The following TEX2 variants were observed in gnomAD, a reference collection of about 807,000 sequenced individuals.
TEX2 encodes testis-expressed protein 2.
TEX2 carries 53 observed loss-of-function variants against 106.9 expected under a neutral mutation model. That is an observed-to-expected ratio of 0.50 (90% CI 0.40 to 0.62). The LOEUF (loss-of-function observed/expected upper bound fraction) is 0.62, where lower values mean the gene tolerates loss of function less well. Ranked by LOEUF, TEX2 falls within the 20% of genes least tolerant of loss-of-function variation. TEX2 has a pLI of 0.00. For missense variants in TEX2, 1,207 were observed against 1,379.0 expected, an observed-to-expected ratio of 0.88 and a Z score of 1.98; for synonymous variants, 523 against 534.8, an observed-to-expected ratio of 0.98 and a Z score of 0.30.
At chr17:64,152,830 A>G in intron 10 of TEX2, 115 bp downstream of exon 10, 5 of 1,025,672 alleles carry the variant, frequency 4.9e-6, no homozygotes, top group Non-Finnish European at 5.7e-6. Context: ...ATTGTTTGGA[A>G]GTGCTTCTGC....
At chr17:64,160,503 C>A (rs985833367) in intron 8 of TEX2, among the ~76,000 whole-genome samples, 1 of 152,088 alleles carries the variant, frequency 6.6e-6, no homozygotes, top group Admixed American at 6.6e-5. Context: ...TTTTATTGCT[C>A]GGATGAGTCT....
chr17:64,232,207 G>A (rs149095883), intron 1 of TEX2, among the ~76,000 whole-genome samples: 159 of 152,352 alleles, frequency 1.0e-3, no homozygotes, highest in Non-Finnish European at 1.7e-3. Context: ...TAGAGACTAA[G>A]TATTAATAGT....
rs1413356420 is a variant in TEX2, at chr17:64,194,903, C to T, written c.1837G>A (p.Asp613Asn). The change falls in exon 3 of 12, where the codon GAC becomes AAC. Residue 613 changes from aspartate to asparagine, a missense_variant. Asp to Asn is a conservative substitution (Grantham distance 23). Transcript: ENST00000584379. ...YISQKIYDLSDSKIYLVPKTL... is the reference protein window; with the variant it reads ...YISQKIYDLSNSKIYLVPKTL... ...AAATTGCTCAGGCTCACCTTGCTGT[C>T]TGAGAGGTCATAGATTTTCTGGCTG... The T allele has an allele frequency of 6.2e-7, 1 of 1,614,110 alleles. No homozygotes were observed. The highest frequency in any genetic ancestry group is 1.7e-5 in the Admixed American group (1 of 60,018).
At chr17:64,189,585 A>G (rs752171725) in intron 4 of TEX2, among the ~76,000 whole-genome samples, 2 of 152,204 alleles carry the variant, frequency 1.3e-5, no homozygotes, top group Non-Finnish European at 2.9e-5. Context: ...CCTCGAATTT[A>G]ATATTGACCC....
At chr17:64,223,752 AT>A (rs1336176129) in intron 1 of TEX2, among the ~76,000 whole-genome samples, 1 of 94,566 alleles carries the variant, frequency 1.1e-5, no homozygotes, top group Non-Finnish European at 2.0e-5. Context: ...TTTCACTCTT[AT>A]TGCCCAGGCT....
chr17:64,219,789 G>A (rs567046425), intron 1 of TEX2, among the ~76,000 whole-genome samples: 1 of 152,312 alleles, frequency 6.6e-6, no homozygotes, highest in South Asian at 2.1e-4. Context: ...TCTAGTTCCT[G>A]TGAAGGCAGG....
At chr17:64,187,855 T>C (rs138206740) in intron 5 of TEX2, among the ~76,000 whole-genome samples, 1,924 of 151,884 alleles carry the variant, frequency 0.013, 40 homozygotes, top group African/African-American at 0.044. Flanking sequence ...TGACCACCCA[T>C]CCAAAATAGC....
intron 1 of TEX2, among the ~76,000 whole-genome samples, chr17:64,235,361 A>G (rs138262767): frequency 1.3e-5 from 2 of 152,342 alleles, no homozygotes; most frequent in African/African-American, 4.8e-5. Flanking sequence ...TCTGGAGCCA[A>G]CAGAAGCTTT....
chr17:64,251,284 G>A (rs2034086153), intron 1 of TEX2, among the ~76,000 whole-genome samples: 1 of 152,120 alleles, frequency 6.6e-6, no homozygotes, highest in Non-Finnish European at 1.5e-5. Context: ...GAGTTCCGAG[G>A]CACCACTTTG....
rs769022483 is a variant in TEX2 at position 64,148,942 on chromosome 17, A to G, written c.*27T>C. ...CCCCACACATCCAGCTCGATGTCAC[A>G]ATATGGGGAACATCTGACATCACCC... On this transcript the variant is annotated 3_prime_UTR_variant, in exon 12 of 12. Coordinates refer to ENST00000584379, the MANE Select transcript of TEX2 (RefSeq NM_001288732.2). 25 of 1,613,520 alleles carry G rather than the reference A, an allele frequency of 1.5e-5. No homozygotes were observed. In the Admixed American group the frequency reaches 4.0e-4, roughly 26 times the overall value.
intron 1 of TEX2, among the ~76,000 whole-genome samples, chr17:64,260,477 C>T (rs906003687): frequency 4.1e-4 from 60 of 146,106 alleles, no homozygotes; most frequent in Non-Finnish European, 8.3e-4. Context: ...GCCCAAAAAG[C>T]ACGTTTTTTG....
At chr17:64,245,158 A>T (rs782293395) in intron 1 of TEX2, among the ~76,000 whole-genome samples, 1 of 152,164 alleles carries the variant, frequency 6.6e-6, no homozygotes, top group Non-Finnish European at 1.5e-5. Flanking sequence ...TATAAAAGGT[A>T]CCCTTACACT....
intron 8 of TEX2, among the ~76,000 whole-genome samples, chr17:64,159,490 G>A (rs571651350): frequency 6.6e-6 from 1 of 152,310 alleles, no homozygotes; most frequent in Non-Finnish European, 1.5e-5. Flanking sequence ...AATTGGGGAA[G>A]TCTATAAGAC....
intron 1 of TEX2, among the ~76,000 whole-genome samples, chr17:64,233,704 C>T (rs2033706878): frequency 1.3e-5 from 2 of 152,198 alleles, no homozygotes; most frequent in Non-Finnish European, 2.9e-5. Context: ...CTACACCTAC[C>T]TTGCAAGGCA....
In TEX2 at chr17:64,188,425, A is replaced by C. The variant is rs778365066; in HGVS notation, c.2177-10T>G. ...TGTGCAGGCAAAAGCCCTGGAGCCAAGAAGACGGGGGCTATTCACACAATG... is the reference window on the plus strand; with the variant it reads ...TGTGCAGGCAAAAGCCCTGGAGCCACGAAGACGGGGGCTATTCACACAATG... On this transcript the variant is annotated splice_polypyrimidine_tract_variant and intron_variant, in intron 4 of 11. Coordinates refer to ENST00000584379, the MANE Select transcript of TEX2 (RefSeq NM_001288732.2). 1 of 1,614,134 alleles carries C rather than the reference A, an allele frequency of 6.2e-7. No homozygotes were observed. The highest frequency in any genetic ancestry group is 1.1e-5 in the South Asian group (1 of 91,086).
At chr17:64,240,268 G>C (rs1313594981) in intron 1 of TEX2, among the ~76,000 whole-genome samples, 4 of 135,250 alleles carry the variant, frequency 3.0e-5, no homozygotes, top group African/African-American at 1.3e-4. Context: ...TGTGTGTAAA[G>C]CTCTTTGTTA....
At chr17:64,183,186 G>T (rs1038977152) in intron 5 of TEX2, among the ~76,000 whole-genome samples, 2 of 152,192 alleles carry the variant, frequency 1.3e-5, no homozygotes, top group Admixed American at 1.3e-4. Context: ...GCTTACAGGC[G>T]CAAGCCACTG....
chr17:64,197,816 G>A (rs1450560312), intron 2 of TEX2, among the ~76,000 whole-genome samples: 1 of 152,044 alleles, frequency 6.6e-6, no homozygotes, highest in Non-Finnish European at 1.5e-5. Context: ...CTCCCACCTT[G>A]GCCTCCCAAA....
chr17:64,187,725 G>T (rs761002950), intron 5 of TEX2, among the ~76,000 whole-genome samples: 20 of 151,870 alleles, frequency 1.3e-4, no homozygotes, highest in Non-Finnish European at 2.9e-5. Flanking sequence ...TGCCTACAGC[G>T]GGCCCTTGGG....
Sources: allele counts gnomAD v4.1 joint callset (sites outside exome capture counted in the v4.1 genomes callset), GRCh38; gene constraint gnomAD v4.1.1; transcripts MANE v1.5; gene names NCBI Gene and HGNC (gene_info 2026-07-23, HGNC 2026-07-21).